The following EPHA3 variants were observed in gnomAD, a reference collection of about 807,000 sequenced individuals.
EPHA3 encodes the protein ephrin type-A receptor 3.
A neutral mutation model predicts 107.1 loss-of-function variants in EPHA3; 42 were observed. The observed-to-expected ratio is 0.39, with a 90% confidence interval of 0.31 to 0.51. The LOEUF is 0.51. EPHA3 is among the 20% of genes least tolerant of loss of function. EPHA3 has a pLI of 0.78. For missense variants in EPHA3, 1,183 were observed against 1,211.2 expected (o/e 0.98, Z 0.35); for synonymous variants, 461 against 424.8 (o/e 1.09, Z -1.05).
At chr3:89,200,303 G>T (rs1190725332) in intron 2 of EPHA3, among the ~76,000 whole-genome samples, 9 of 152,162 alleles carry the variant, frequency 5.9e-5, no homozygotes, top group African/African-American at 2.2e-4. Context: ...GCAGAAAGAA[G>T]AATCATTCTG....
At chr3:89,111,919 A>T (rs1707119714) in intron 1 of EPHA3, among the ~76,000 whole-genome samples, 1 of 152,116 alleles carries the variant, frequency 6.6e-6, no homozygotes, top group African/African-American at 2.4e-5. Context: ...TAGTAATAAC[A>T]ATAGATTTAT....
At chr3:89,244,397 A>G (rs1166279363) in intron 3 of EPHA3, among the ~76,000 whole-genome samples, 4 of 152,072 alleles carry the variant, frequency 2.6e-5, no homozygotes, top group Non-Finnish European at 4.4e-5. Flanking sequence ...ATATGAGCTA[A>G]TAGTATTCAC....
chr3:89,199,152 T>C (rs555095850), intron 2 of EPHA3, among the ~76,000 whole-genome samples: 5 of 152,338 alleles, frequency 3.3e-5, no homozygotes, highest in African/African-American at 7.2e-5. Context: ...AAATCTCTGA[T>C]GAATGTCAAC....
intron 3 of EPHA3, among the ~76,000 whole-genome samples, chr3:89,224,825 G>A (rs1484046618): frequency 4.0e-5 from 6 of 151,784 alleles, no homozygotes; most frequent in Admixed American, 3.3e-4. Context: ...CTCCAGCCTG[G>A]TCAACAGAGC....
At chr3:89,117,677 T>C (rs1457018969) in intron 1 of EPHA3, among the ~76,000 whole-genome samples, 8 of 152,068 alleles carry the variant, frequency 5.3e-5, no homozygotes. Flanking sequence ...ATTTAATGAA[T>C]AAATATATAC....
chr3:89,223,508 T>A (rs1005846271), intron 3 of EPHA3, among the ~76,000 whole-genome samples: 1 of 152,136 alleles, frequency 6.6e-6, no homozygotes, highest in Non-Finnish European at 1.5e-5. Context: ...CAGATGAGGG[T>A]CATGATTGCA....
intron 15 of EPHA3, among the ~76,000 whole-genome samples, chr3:89,461,160 C>A (rs1710231564): frequency 1.0e-5 from 1 of 96,482 alleles, no homozygotes; most frequent in African/African-American, 5.1e-5. Context: ...ATGAACTCAT[C>A]ATTTTTTATG....
At chr3:89,134,342 T>C (rs1704267417) in intron 2 of EPHA3, among the ~76,000 whole-genome samples, 2 of 152,060 alleles carry the variant, frequency 1.3e-5, no homozygotes, top group Admixed American at 1.3e-4. Flanking sequence ...ACATTAGGTA[T>C]ATCTCCTAAT....
chr3:89,219,640 C>G (rs1173888201), intron 3 of EPHA3, among the ~76,000 whole-genome samples: 1 of 149,572 alleles, frequency 6.7e-6, no homozygotes, highest in East Asian at 1.9e-4. Context: ...GAGTCTACAC[C>G]AGTGTTCCTA....
At chr3:89,296,469 T>C (rs1706355250) in intron 3 of EPHA3, among the ~76,000 whole-genome samples, 1 of 152,230 alleles carries the variant, frequency 6.6e-6, no homozygotes, top group Admixed American at 6.5e-5. Flanking sequence ...AGTAATATTC[T>C]GAAAGAAATC....
intron 2 of EPHA3, among the ~76,000 whole-genome samples, chr3:89,201,660 AT>A (rs1705971592): frequency 6.6e-6 from 1 of 152,054 alleles, no homozygotes; most frequent in African/African-American, 2.4e-5. Flanking sequence ...GTTTTCATGA[AT>A]TTTTCTTAAA....
chr3:89,391,465 G>C (rs1319087661), intron 5 of EPHA3, among the ~76,000 whole-genome samples: 2 of 131,814 alleles, frequency 1.5e-5, no homozygotes, highest in Admixed American at 1.7e-4. Context: ...CTGTCACCCA[G>C]GCTGGGTGCA....
intron 3 of EPHA3, among the ~76,000 whole-genome samples, chr3:89,281,487 T>G (rs1470608711): frequency 6.6e-6 from 1 of 152,194 alleles, no homozygotes; most frequent in Non-Finnish European, 1.5e-5. Context: ...TTTTCTCCAT[T>G]ATTGATACTG....
intron 15 of EPHA3, among the ~76,000 whole-genome samples, chr3:89,466,526 T>G (rs1307326793): frequency 7.5e-6 from 1 of 133,558 alleles, no homozygotes; most frequent in Non-Finnish European, 1.6e-5. Context: ...TGGGATATAG[T>G]CTTGTGGTGC....
At chr3:89,132,951 G>C (rs1403545917) in intron 2 of EPHA3, among the ~76,000 whole-genome samples, 1 of 152,132 alleles carries the variant, frequency 6.6e-6, no homozygotes, top group Admixed American at 6.6e-5. Context: ...AAAGGAATTA[G>C]AGTAATTCCT....
chr3:89,398,887 T>C (rs1376423050), intron 6 of EPHA3, among the ~76,000 whole-genome samples: 1 of 152,170 alleles, frequency 6.6e-6, no homozygotes, highest in African/African-American at 2.4e-5. Context: ...CCCAGCACTT[T>C]GGGCGGCCGA....
rs115313469 is a variant in EPHA3 at position 89,200,633 on chromosome 3, G to T, written c.154-9227G>T. Among the ~76,000 whole-genome samples, 674 of 152,232 alleles carry T rather than the reference G, an allele frequency of 4.4e-3. 4 individuals carry two copies. The highest frequency in any genetic ancestry group is 0.016 in the African/African-American group (647 of 41,536). ...CATTGCACTGCCCAAATTGTTCCTG[G>T]CCTTACATTTCTAAGTATGCCAGGG... On this transcript the variant is annotated intron_variant, in intron 2 of 16. Transcript: ENST00000336596.
chr3:89,345,908 T>G, intron 5 of EPHA3, among the ~76,000 whole-genome samples: 1 of 146,248 alleles, frequency 6.8e-6, no homozygotes, highest in Non-Finnish European at 1.5e-5. Context: ...AGAATGATGA[T>G]TTCCAATTTC....
chr3:89,344,024 A>G (rs1707589623), intron 5 of EPHA3, among the ~76,000 whole-genome samples: 1 of 152,170 alleles, frequency 6.6e-6, no homozygotes, highest in Non-Finnish European at 1.5e-5. Flanking sequence ...GAATTTTAAC[A>G]AATTATGATC....
Sources: gnomAD v4.1 joint callset for allele counts (sites outside exome capture counted in the v4.1 genomes callset) on GRCh38, gnomAD v4.1.1 for gene constraint, MANE v1.5 for transcripts, NCBI Gene and HGNC (gene_info 2026-07-23, HGNC 2026-07-21) for gene names.